ALG12: variants seen among roughly 807,000 people sequenced by gnomAD.
The protein encoded by ALG12 is ALG12 alpha-1,6-mannosyltransferase, also known as dol-P-Man:Man(7)GlcNAc(2)-PP-Dol alpha-1,6-mannosyltransferase.
In ALG12, 36 loss-of-function variants were observed where a neutral mutation model predicts 46.0. That is an observed-to-expected ratio of 0.78 (90% CI 0.60 to 1.03). ALG12 has a LOEUF of 1.03. Among genes scored for constraint, ALG12 ranks in the 50% least tolerant of loss-of-function variants. The probability of loss-of-function intolerance (pLI) is 0.00; values close to 1 mark genes in which losing one functional copy is unlikely to be tolerated. For synonymous variants in ALG12, 326 were observed against 291.6 expected (o/e 1.12, Z -1.20); for missense variants, 599 against 633.5 (o/e 0.95, Z 0.58).
intron 7 of ALG12, among the ~76,000 whole-genome samples, chr22:49,907,074 C>T (rs756478451): frequency 2.6e-5 from 4 of 152,242 alleles, no homozygotes; most frequent in African/African-American, 4.8e-5. Flanking sequence ...GCCTGGGCCA[C>T]GCTGGGCCCT....
At chr22:49,889,489 T>A in the ALG12 span, 1 of 167,148 alleles carries the variant, frequency 6.0e-6, no homozygotes, top group Non-Finnish European at 1.5e-5. Context: ...TTTTAAGCTT[T>A]CAGCTTCATG....
chr22:49,897,393 A>T (rs1210026988), downstream of ALG12, among the ~76,000 whole-genome samples: 1 of 152,186 alleles, frequency 6.6e-6, no homozygotes, highest in Non-Finnish European at 1.5e-5. Flanking sequence ...GTTCTGTACG[A>T]AGCTGCCAAA....
At chr22:49,891,929 C>T in the ALG12 span, among the ~76,000 whole-genome samples, 1 of 152,138 alleles carries the variant, frequency 6.6e-6, no homozygotes, top group Non-Finnish European at 1.5e-5. Context: ...TGCTATCAGA[C>T]CAAACCTTTC....
chr22:49,885,491 A>G, the ALG12 span: 4 of 1,612,002 alleles, frequency 2.5e-6, no homozygotes, highest in Non-Finnish European at 3.4e-6. Context: ...TTCCATAGCA[A>G]CGTGCTGAAA....
chr22:49,893,668 G>T, the ALG12 span, among the ~76,000 whole-genome samples: 1 of 152,208 alleles, frequency 6.6e-6, no homozygotes, highest in Non-Finnish European at 1.5e-5. Flanking sequence ...GAATTCTCCA[G>T]GTGGACACTT....
downstream of ALG12, among the ~76,000 whole-genome samples, chr22:49,896,793 G>A (rs9616772): frequency 0.1 from 15,137 of 151,626 alleles, 737 homozygotes; most frequent in South Asian, 0.12. Context: ...CTGCCACCAC[G>A]CCTGGCTAAT....
At chr22:49,892,852 C>G in the ALG12 span, among the ~76,000 whole-genome samples, 1 of 152,090 alleles carries the variant, frequency 6.6e-6, no homozygotes, top group African/African-American at 2.4e-5. Flanking sequence ...AATTATGAGA[C>G]ACACTGAAAA....
At chr22:49,868,174 T>A in the ALG12 span, among the ~76,000 whole-genome samples, 1 of 152,270 alleles carries the variant, frequency 6.6e-6, no homozygotes, top group Admixed American at 6.5e-5. Context: ...AGTCTTCTTT[T>A]TTGTTGTTGT....
chr22:49,902,396 C>T lies in ALG12; in HGVS notation c.*1442G>A. 1 of 105,716 alleles carries T rather than the reference C, an allele frequency of 9.5e-6. No individual in the cohort carries two copies. The highest frequency in any genetic ancestry group is 1.7e-5 in the Non-Finnish European group (1 of 57,362). 6.5% of individuals were successfully genotyped at this position (105,716 alleles called of 1,614,324 possible). On this transcript the variant is annotated 3_prime_UTR_variant, in exon 10 of 10. Coordinates refer to ENST00000330817, the MANE Select transcript of ALG12 (RefSeq NM_024105.4). ...GTGTGCACGGTGTGTGGTGTGTATG[C>T]ATGGTGTGTGCACATGTGCACTGTG...
chr22:49,897,128 A>G (rs376427351), downstream of ALG12, among the ~76,000 whole-genome samples: 1 of 134,070 alleles, frequency 7.5e-6, no homozygotes, highest in Non-Finnish European at 1.5e-5. Context: ...TTCATTCACT[A>G]ATATGCATTT....
downstream of ALG12, among the ~76,000 whole-genome samples, chr22:49,897,168 G>A (rs372561586): frequency 1.6e-4 from 25 of 152,144 alleles, no homozygotes; most frequent in African/African-American, 6.0e-4. Flanking sequence ...CTATGGGCTA[G>A]TCATTCACTT....
chr22:49,870,142 C>G, the ALG12 span, among the ~76,000 whole-genome samples: 1 of 152,198 alleles, frequency 6.6e-6, no homozygotes, highest in Admixed American at 6.5e-5. Context: ...CATGTTGCTG[C>G]AAGGGACATG....
rs755717233 is a variant in ALG12 at position 49,907,768 on chromosome 22, A to G, written c.945T>C (p.Tyr315=). Residue 315 remains tyrosine, a synonymous_variant, in exon 7 of 10, where the codon TAT becomes TAC. Coordinates refer to ENST00000330817, the MANE Select transcript of ALG12 (RefSeq NM_024105.4). ...LPHKELRFII[Y]AFPMLNITAA... The stretch of plus-strand genomic sequence containing the variant: ...CCGTGATGTTGAGCATGGGGAAGGC[A>G]TAGATGATGAAGCGTAGCTCCTTGT... 3 of 1,614,050 alleles carry G rather than the reference A, an allele frequency of 1.9e-6. No individual in the cohort carries two copies.
At position 49,901,960 on chromosome 22, in the gene ALG12, C is replaced by G. The variant is rs542510031; in HGVS notation, c.*1878G>C. 12 of 125,264 alleles carry G rather than the reference C, an allele frequency of 9.6e-5. No homozygotes were observed. The highest frequency in any genetic ancestry group is 1.3e-4 in the African/African-American group (4 of 30,500). 7.8% of individuals were successfully genotyped at this position (125,264 alleles called of 1,614,324 possible). On this transcript the variant is annotated 3_prime_UTR_variant, in exon 10 of 10. Transcript: ENST00000330817. ...ATGCACGGTAATGTGCACGTGTGCA[C>G]TGTGTGTGGTGTGTATGCATGGTGT...
At chr22:49,874,671 C>A in the ALG12 span, among the ~76,000 whole-genome samples, 1 of 17,840 alleles carries the variant, frequency 5.6e-5, no homozygotes, top group Non-Finnish European at 1.5e-4. Flanking sequence ...CCATGCCCAG[C>A]CTTTTTTTTT....
the ALG12 span, among the ~76,000 whole-genome samples, chr22:49,881,770 C>T: frequency 2.2e-3 from 332 of 152,164 alleles, 1 homozygote; most frequent in South Asian, 4.6e-3. Context: ...TGGTTTCAAG[C>T]GATCCTCCCA....
chr22:49,888,283 C>G, the ALG12 span: 2 of 166,850 alleles, frequency 1.2e-5, no homozygotes, highest in African/African-American at 4.8e-5. Context: ...ATTAAATATT[C>G]TGAGTGAGAC....
chr22:49,904,825 C>T (rs1458877893), intron 7 of ALG12, among the ~76,000 whole-genome samples: 7 of 152,052 alleles, frequency 4.6e-5, no homozygotes, highest in African/African-American at 7.2e-5. Flanking sequence ...CTGCAACCTC[C>T]GCCTCCTGGG....
At chr22:49,913,951 G>T (rs2060596320) in intron 1 of ALG12, 108 bp from the exon 2 acceptor site, 3 of 690,286 alleles carry the variant, frequency 4.3e-6, no homozygotes, top group Admixed American at 5.1e-5. Context: ...TGTCTTAGTC[G>T]CACTACTACA....
Sources: allele counts gnomAD v4.1 joint callset (sites outside exome capture counted in the v4.1 genomes callset), GRCh38; gene constraint gnomAD v4.1.1; transcripts MANE v1.5; gene names NCBI Gene and HGNC (gene_info 2026-07-23, HGNC 2026-07-21).